Variants in PLXDC2 observed in about 807,000 individuals in gnomAD.
PLXDC2 encodes the protein plexin domain-containing protein 2.
Under a neutral mutation model 68.9 loss-of-function variants are expected in PLXDC2, and 40 were observed. That is an observed-to-expected ratio of 0.58 (90% CI 0.45 to 0.76). PLXDC2 has a LOEUF of 0.76. PLXDC2 is among the 30% of genes least tolerant of loss of function. The probability of loss-of-function intolerance (pLI) is 0.00; values close to 1 mark genes in which losing one functional copy is unlikely to be tolerated. For missense variants in PLXDC2, 644 were observed against 661.9 expected (o/e 0.97, Z 0.30); for synonymous variants, 243 against 234.2 (o/e 1.04, Z -0.34).
chr10:20,130,741 G>A (rs1262766379), intron 4 of PLXDC2, among the ~76,000 whole-genome samples: 2 of 151,956 alleles, frequency 1.3e-5, no homozygotes, highest in African/African-American at 2.4e-5. Flanking sequence ...TGCATATATC[G>A]AGATGATCAT....
chr10:20,148,718 T>G (rs559315787), intron 6 of PLXDC2, among the ~76,000 whole-genome samples: 8 of 152,330 alleles, frequency 5.3e-5, no homozygotes, highest in African/African-American at 1.9e-4. Context: ...ATGAGCATTA[T>G]TAACCCATAG....
At chr10:20,092,063 A>C (rs1043402283) in intron 4 of PLXDC2, among the ~76,000 whole-genome samples, 4 of 146,656 alleles carry the variant, frequency 2.7e-5, no homozygotes, top group African/African-American at 9.9e-5. Context: ...ACTTCATTTT[A>C]CTACCTATTA....
At chr10:19,887,712 T>C (rs1837875155) in intron 1 of PLXDC2, among the ~76,000 whole-genome samples, 1 of 152,170 alleles carries the variant, frequency 6.6e-6, no homozygotes, top group Non-Finnish European at 1.5e-5. Flanking sequence ...AATGAAATAA[T>C]AGAAATCACT....
At chr10:20,277,171 T>A (rs1233351832) in intron 13 of PLXDC2, among the ~76,000 whole-genome samples, 1 of 130,950 alleles carries the variant, frequency 7.6e-6, no homozygotes, top group Non-Finnish European at 1.5e-5. Context: ...ATCTTGCCAT[T>A]GCACTCCAGC....
At chr10:19,987,194 G>A (rs1834655920) in intron 1 of PLXDC2, among the ~76,000 whole-genome samples, 2 of 152,192 alleles carry the variant, frequency 1.3e-5, no homozygotes, top group Admixed American at 6.5e-5. Flanking sequence ...CAGGCTAGGA[G>A]CAGTTGATGC....
chr10:20,073,163 G>T (rs1473233976), intron 4 of PLXDC2, among the ~76,000 whole-genome samples: 2 of 152,126 alleles, frequency 1.3e-5, no homozygotes, highest in Admixed American at 1.3e-4. Flanking sequence ...TCTACATTGG[G>T]TGTGGGAAAA....
chr10:20,124,845 TC>T (rs59538591), intron 4 of PLXDC2, among the ~76,000 whole-genome samples: 103,659 of 151,724 alleles, frequency 0.68, 36,804 homozygotes, highest in African/African-American at 0.86. Flanking sequence ...TGGTGGAATG[TC>T]ATCAGTTAAG....
At chr10:20,239,296 C>T (rs1835482594) in intron 12 of PLXDC2, among the ~76,000 whole-genome samples, 1 of 152,060 alleles carries the variant, frequency 6.6e-6, no homozygotes, top group African/African-American at 2.4e-5. Flanking sequence ...TTTAATATTC[C>T]CCTAAAGCCT....
intron 6 of PLXDC2, among the ~76,000 whole-genome samples, chr10:20,162,870 C>G (rs1471748239): frequency 2.0e-5 from 3 of 147,444 alleles, no homozygotes; most frequent in African/African-American, 7.6e-5. Flanking sequence ...TCCAGACCAG[C>G]CTGGCCAACA....
At chr10:20,129,612 CCT>C in intron 4 of PLXDC2, among the ~76,000 whole-genome samples, 1 of 126,894 alleles carries the variant, frequency 7.9e-6, no homozygotes, top group Non-Finnish European at 1.9e-5. Context: ...AAACATTTTC[CCT>C]GTGTTTTCTT....
chr10:20,055,282 G>GA (rs1341149788), intron 3 of PLXDC2, among the ~76,000 whole-genome samples: 5 of 152,024 alleles, frequency 3.3e-5, no homozygotes, highest in Non-Finnish European at 7.4e-5. Context: ...TTCCCTTCAG[G>GA]AAAATAACTC....
chr10:19,915,744 A>T (rs1833353835), intron 1 of PLXDC2, among the ~76,000 whole-genome samples: 1 of 152,042 alleles, frequency 6.6e-6, no homozygotes, highest in African/African-American at 2.4e-5. Context: ...CATTTGATTT[A>T]TCCAAGGTTT....
At chr10:20,084,346 G>C (rs1833161144) in intron 4 of PLXDC2, among the ~76,000 whole-genome samples, 1 of 152,178 alleles carries the variant, frequency 6.6e-6, no homozygotes, top group Non-Finnish European at 1.5e-5. Flanking sequence ...ACAATGTCCT[G>C]ATTGGAGGCA....
At chr10:20,117,398 T>G (rs919111953) in intron 4 of PLXDC2, among the ~76,000 whole-genome samples, 1 of 152,196 alleles carries the variant, frequency 6.6e-6, no homozygotes, top group Non-Finnish European at 1.5e-5. Context: ...GATTATCTTA[T>G]GTGTTTGTGT....
chr10:19,949,479 T>C (rs1196690259), intron 1 of PLXDC2, among the ~76,000 whole-genome samples: 1 of 152,104 alleles, frequency 6.6e-6, no homozygotes, highest in Non-Finnish European at 1.5e-5. Context: ...CTAATAGGAA[T>C]AGGAGGGGAT....
intron 11 of PLXDC2, 127 bp downstream of exon 11, chr10:20,217,703 T>C: frequency 8.5e-7 from 1 of 1,177,342 alleles, no homozygotes; most frequent in Non-Finnish European, 1.1e-6. Flanking sequence ...AAGTTATTCT[T>C]TGGCAAACTG....
chr10:19,887,626 AG>A (rs901041340), intron 1 of PLXDC2, among the ~76,000 whole-genome samples: 2 of 152,240 alleles, frequency 1.3e-5, no homozygotes, highest in Non-Finnish European at 2.9e-5. Flanking sequence ...ATAAATAAAA[AG>A]TGTGAGTGCA....
intron 9 of PLXDC2, among the ~76,000 whole-genome samples, chr10:20,185,725 A>C (rs1470421299): frequency 6.6e-6 from 1 of 151,926 alleles, no homozygotes; most frequent in East Asian, 1.9e-4. Flanking sequence ...AATTTACATG[A>C]TTGTTTCATA....
chr10:19,995,916 G>T (rs1409565567), intron 1 of PLXDC2, among the ~76,000 whole-genome samples: 1 of 152,196 alleles, frequency 6.6e-6, no homozygotes, highest in Non-Finnish European at 1.5e-5. Context: ...CCATGCAATA[G>T]TAACTATATT....
Sources: allele counts gnomAD v4.1 joint callset (sites outside exome capture counted in the v4.1 genomes callset), GRCh38; gene constraint gnomAD v4.1.1; transcripts MANE v1.5; gene names NCBI Gene and HGNC (gene_info 2026-07-23, HGNC 2026-07-21).